ABCB6: variants seen among roughly 807,000 people sequenced by gnomAD.
ABCB6 encodes ATP-binding cassette sub-family B member 6.
ABCB6 carries 87 observed loss-of-function variants against 99.4 expected under a neutral mutation model. That is an observed-to-expected ratio of 0.88 (90% CI 0.74 to 1.05). The LOEUF (loss-of-function observed/expected upper bound fraction) is 1.05. Ranked by LOEUF, ABCB6 falls within the 50% of genes least tolerant of loss-of-function variation. ABCB6 has a pLI of 0.00. For synonymous variants in ABCB6, 482 were observed against 447.5 expected (o/e 1.08, Z -0.97); for missense variants, 1,050 against 1,097.9 (o/e 0.96, Z 0.62).
chr2:219,210,778 C>G lies in ABCB6; in HGVS notation c.2189G>C (p.Gly730Ala). The change falls in exon 16 of 19, where the codon GGG becomes GCG. Residue 730 changes from glycine (G) to alanine (A), a missense_variant. Physicochemically the swap from Gly to Ala is moderately conservative, Grantham distance 60 (BLOSUM62 0). Coordinates refer to ENST00000265316, the MANE Select transcript of ABCB6 (RefSeq NM_005689.4). The stretch of plus-strand genomic sequence containing the variant: ...GGCAATGGCGACGCGCTGCTTCTCC[C>G]CGCCGCTCAGCTTCAGTCCCCGCTC... ...VGERGLKLSG[G>A]EKQRVAIART... 1 of 1,613,802 alleles carries G rather than the reference C, an allele frequency of 6.2e-7. No homozygotes were observed. The highest frequency in any genetic ancestry group is 1.1e-5 in the South Asian group (1 of 91,080).
At position 219,210,841 on chromosome 2, in the gene ABCB6, C is replaced by G. The variant is rs564282685; in HGVS notation, c.2144-18G>C. On this transcript the variant is annotated intron_variant, in intron 15 of 18. Transcript: ENST00000265316. ...CCTGTACCCTGTGGATATTACCCAC[C>G]ACACGTTTCTTACGAAACGGAGGGA... The G allele has an allele frequency of 3.1e-6, 5 of 1,613,776 alleles. No individual in the cohort carries two copies. Among genetic ancestry groups the G allele is most frequent in the African/African-American group, 1.3e-5 (1 of 75,004 alleles).
Position 219,213,002 on chromosome 2 carries a change from T to C in ABCB6, c.1863+6A>G. On this transcript the variant is annotated splice_donor_region_variant and intron_variant, in intron 13 of 18. Transcript: ENST00000265316. Reference sequence around the variant, plus strand: ...ATCTGGGCCAAGTGGCTGGGTCTCCTCTCACCAGGGCAAGTGTCTGTCCAG... The same window carrying C: ...ATCTGGGCCAAGTGGCTGGGTCTCCCCTCACCAGGGCAAGTGTCTGTCCAG... 1.2e-6 allele frequency: 2 copies of C among 1,613,870 alleles called. No homozygotes were observed. Among genetic ancestry groups the C allele is most frequent in the Non-Finnish European group, 1.7e-6 (2 of 1,179,904 alleles).
Position 219,218,195 on chromosome 2 carries a change from G to T in ABCB6, c.479C>A (p.Ala160Asp). 1 of 1,613,868 alleles carries T rather than the reference G, an allele frequency of 6.2e-7. No individual in the cohort carries two copies. The highest frequency in any genetic ancestry group is 8.5e-7 in the Non-Finnish European group (1 of 1,180,006). ...LLLLWTVAFA[A>D]ENLALVSWNS... ...CCAAGACACCAGGGCCAAGTTCTCA[G>T]CTGCAAACGCCACAGTCCAGAGGAG... The change falls in exon 1 of 19, where the codon GCT (alanine) becomes GAT (aspartate). Residue 160 changes from alanine to aspartate, a missense_variant. Physicochemically the swap from Ala to Asp is moderately radical, Grantham distance 126. Transcript: ENST00000265316.
intron 6 of ABCB6, 88 bp downstream of exon 6, chr2:219,214,873 T>C: frequency 1.3e-6 from 2 of 1,524,602 alleles, no homozygotes; most frequent in Non-Finnish European, 9.0e-7. Flanking sequence ...CAGCCTCCCA[T>C]AGGTGGGTCA....
chr2:219,218,927 G>C lies in ABCB6; in HGVS notation c.-254C>G. 1 of 474,090 alleles carries C rather than the reference G, an allele frequency of 2.1e-6. No homozygotes were observed. Among genetic ancestry groups the C allele is most frequent in the Admixed American group, 4.2e-5 (1 of 23,866 alleles). The allele number at this position is 474,090 out of a possible 1,614,324, so 29.4% of individuals were successfully genotyped here. On this transcript the variant is annotated 5_prime_UTR_variant, in exon 1 of 19. Transcript: ENST00000265316. ...ACGGCCCCGCTGGCTCTGGGCCCGGGACCCTCCTGCCAACTGCAGGCCCAC... is the reference window on the plus strand; with the variant it reads ...ACGGCCCCGCTGGCTCTGGGCCCGGCACCCTCCTGCCAACTGCAGGCCCAC...
rs1329792832 is a variant in ABCB6 at position 219,216,946 on chromosome 2, A to T, written c.688-114T>A. 2.2e-6 allele frequency: 2 copies of T among 914,634 alleles called. No homozygotes were observed. Among genetic ancestry groups the T allele is most frequent in the African/African-American group, 1.7e-5 (1 of 59,766 alleles). 56.7% of individuals were successfully genotyped at this position (914,634 alleles called of 1,614,324 possible). On this transcript the variant is annotated intron_variant, in intron 2 of 18. Transcript: ENST00000265316. This position sits in a 1 kb window ranked among gnomAD's most constrained non-coding sequence, Gnocchi z 4.2. ...CAGCTCCCAGGTATCTCAGACCCAC[A>T]AGTGATCCTTGATGGGGTCAGAAAA...
Position 219,218,722 on chromosome 2 carries a change from G to C in ABCB6, c.-49C>G. ...GGCTGCGGGCACTGCGGGACCGGAG[G>C]CCGGGACTGGTCACTCGGAGAGGGG... On this transcript the variant is annotated 5_prime_UTR_variant, in exon 1 of 19. Coordinates refer to ENST00000265316, the MANE Select transcript of ABCB6 (RefSeq NM_005689.4). The C allele has an allele frequency of 6.7e-7, 1 of 1,491,920 alleles. No homozygotes were observed. The highest frequency in any genetic ancestry group is 8.9e-7 in the Non-Finnish European group (1 of 1,120,466). 92.4% of individuals were successfully genotyped at this position (1,491,920 alleles called of 1,614,324 possible).
intron 5 of ABCB6, 167 bp from the exon 6 acceptor site, chr2:219,215,249 A>G (rs2106427058): frequency 2.7e-6 from 2 of 745,264 alleles, no homozygotes; most frequent in Non-Finnish European, 4.2e-6. Context: ...TGCTCAAACT[A>G]CAGAATTCTC....
Position 219,215,006 on chromosome 2 carries a change from C to T in ABCB6, c.1231G>A (p.Ala411Thr), listed in dbSNP as rs995316648. 8.1e-6 allele frequency: 13 copies of T among 1,614,002 alleles called. No homozygotes were observed. Among genetic ancestry groups the T allele is most frequent in the African/African-American group, 5.3e-5 (4 of 74,920 alleles). The change falls in exon 6 of 19, where the codon GCC becomes ACC. Residue 411 changes from alanine (A) to threonine (T), a missense_variant. Ala to Thr is a moderately conservative substitution (Grantham distance 58, BLOSUM62 0). Transcript: ENST00000265316. ...AGGAACACAATGAGGCCAAACCAGG[C>T]GTTGAAGAACATGCTGAAGTAGATG... is the stretch of plus-strand genomic sequence containing the variant. The part of the protein sequence containing the change: ...GIIYFSMFFN[A>T]WFGLIVFLCM...
chr2:219,217,935 A>G, intron 1 of ABCB6, 128 bp from the exon 2 acceptor site: 1 of 1,384,022 alleles, frequency 7.2e-7, no homozygotes, highest in Non-Finnish European at 9.6e-7. Context: ...AAAAAAAAAA[A>G]AGCAAAACCA....
chr2:219,211,060 T>C lies in ABCB6; in HGVS notation c.2017A>G (p.Thr673Ala), dbSNP rs571507877. 33 of 1,614,046 alleles carry C rather than the reference T, an allele frequency of 2.0e-5. No individual in the cohort carries two copies. The East Asian group carries it at 7.1e-4, about 35-fold the overall frequency. Residue 673 changes from threonine (T) to alanine (A), a missense_variant, in exon 15 of 19, where the codon ACT (threonine) becomes GCT (alanine). Coordinates refer to ENST00000265316, the MANE Select transcript of ABCB6 (RefSeq NM_005689.4). Reference protein sequence around the residue: ...RSHIGVVPQDTVLFNDTIADN... With the variant: ...RSHIGVVPQDAVLFNDTIADN... ...GCGATGGTGTCATTAAAGAGGACAG[T>C]GTCTTGGGGCACAACTCCAATGTGA...
At chr2:219,214,221 C>T in intron 7 of ABCB6, 35 bp from the exon 8 acceptor site, 1 of 1,605,626 alleles carries the variant, frequency 6.2e-7, no homozygotes, top group Non-Finnish European at 8.5e-7. Flanking sequence ...TTGGCATGGG[C>T]ACAGCACATG....
chr2:219,211,696 A>G (rs1950581383), intron 14 of ABCB6, among the ~76,000 whole-genome samples: 1 of 142,684 alleles, frequency 7.0e-6, no homozygotes, highest in African/African-American at 2.6e-5. Context: ...GCTGGAGTGC[A>G]GTGGCATGAT....
At chr2:219,217,860 A>T (rs1264659073) in intron 1 of ABCB6, 53 bp from the exon 2 acceptor site, 3 of 1,569,488 alleles carry the variant, frequency 1.9e-6, no homozygotes, top group Non-Finnish European at 2.6e-6. Context: ...ATTTCATTGT[A>T]TTACTACTTA....
chr2:219,213,627 G>A lies in ABCB6; in HGVS notation c.1618C>T (p.Leu540=), dbSNP rs144895244. The A allele has an allele frequency of 3.4e-5, 55 of 1,614,220 alleles. No homozygotes were observed. The Middle Eastern group carries it at 4.9e-4, about 15-fold the overall frequency. The change falls in exon 10 of 19, where the codon CTG becomes TTG. Residue 540 remains leucine, a synonymous_variant. Coordinates refer to ENST00000265316, the MANE Select transcript of ABCB6 (RefSeq NM_005689.4). ...YVLFGTYIIQ[L]YMPLNWFGTY... ...CCAAACCAATTGAGGGGCATGTACA[G>A]CTGGATAATGTAGGTGCCAAAGAGC... is the stretch of plus-strand genomic sequence containing the variant.
chr2:219,217,913 A>C (rs1574818497), intron 1 of ABCB6, 106 bp from the exon 2 acceptor site: 1 of 1,386,580 alleles, frequency 7.2e-7, no homozygotes. Flanking sequence ...TTCAGCACTT[A>C]CAGGCTTAAA....
In ABCB6 at chr2:219,218,132, C is replaced by T. The variant is rs1005972438; in HGVS notation, c.542G>A (p.Gly181Asp). The change falls in exon 1 of 19, where the codon GGC becomes GAC. Residue 181 changes from glycine (G) to aspartate (D), a missense_variant. Physicochemically the swap from Gly to Asp is moderately conservative, Grantham distance 94. Transcript: ENST00000265316. The stretch of plus-strand genomic sequence containing the variant: ...TCCCACAGAGTCCCTCACCTGCTGG[C>T]CCAAGTCTGCCCTTGCCCACCACCA... Reference protein sequence around the residue: ...PQWWWARADLGQQVQFSLWVL... With the variant: ...PQWWWARADLDQQVQFSLWVL... 6.2e-7 allele frequency: 1 copy of T among 1,602,860 alleles called. No individual in the cohort carries two copies. Among genetic ancestry groups the T allele is most frequent in the African/African-American group, 1.3e-5 (1 of 74,526 alleles).
At position 219,216,678 on chromosome 2, in the gene ABCB6, A is replaced by G; in HGVS notation, c.842T>C (p.Leu281Ser). 1.3e-6 allele frequency: 2 copies of G among 1,570,666 alleles called. No homozygotes were observed. Among genetic ancestry groups the G allele is most frequent in the Non-Finnish European group, 1.7e-6 (2 of 1,157,854 alleles). ...AATGTTCCTATAGAATATAGGCACCAACACATTGAGTGCCCGTTCCAAACC... is the reference window on the plus strand; with the variant it reads ...AATGTTCCTATAGAATATAGGCACCGACACATTGAGTGCCCGTTCCAAACC... ...LMGLERALNV[L>S]VPIFYRNIVN... The change falls in exon 3 of 19, where the codon TTG becomes TCG. Residue 281 changes from leucine to serine, a missense_variant. Coordinates refer to ENST00000265316, the MANE Select transcript of ABCB6 (RefSeq NM_005689.4). The surrounding 1 kb of genome is among the most constrained non-coding windows in gnomAD (Gnocchi z 4.2).
rs1179461783 is a variant in ABCB6, at chr2:219,211,123, CCACA to C, written c.1969-19_1969-16del. 6.2e-7 allele frequency: 1 copy of C among 1,613,618 alleles called. No homozygotes were observed. Among genetic ancestry groups the C allele is most frequent in the South Asian group, 1.1e-5 (1 of 91,062 alleles). Reference sequence around the variant, plus strand: ...GCCTGGGTCACCTAGGGCCAAAAGACCACACACTCTGCCTTATGAGATACCCCCA... The same window carrying C: ...GCCTGGGTCACCTAGGGCCAAAAGACCACTCTGCCTTATGAGATACCCCCA... On this transcript the variant is annotated splice_polypyrimidine_tract_variant and intron_variant, in intron 14 of 18. Transcript: ENST00000265316.
Sources: allele counts gnomAD v4.1 joint callset (sites outside exome capture counted in the v4.1 genomes callset), GRCh38; gene constraint gnomAD v4.1.1; non-coding constraint Gnocchi (gnomAD v3.1); transcripts MANE v1.5; gene names NCBI Gene and HGNC (gene_info 2026-07-23, HGNC 2026-07-21).